MARF1: variants seen among roughly 807,000 people sequenced by gnomAD.
MARF1 encodes limkain-b1.
Under a neutral mutation model 168.2 loss-of-function variants are expected in MARF1, and 24 were observed. The ratio of observed to expected loss-of-function variants is 0.14; its 90% CI spans 0.10 to 0.20. The LOEUF (loss-of-function observed/expected upper bound fraction) is 0.20, where lower values mean the gene tolerates loss of function less well. MARF1 is among the 10% of genes least tolerant of loss of function. The pLI is 1.00. For missense variants in MARF1, 1,744 were observed against 2,143.6 expected (o/e 0.81, Z 3.68); for synonymous variants, 868 against 822.4 (o/e 1.06, Z -0.95).
intron 23 of MARF1, 29 bp downstream of exon 23, chr16:15,601,962 C>A (rs1345519691): frequency 6.3e-7 from 1 of 1,586,778 alleles, no homozygotes; most frequent in Admixed American, 1.7e-5. Context: ...TCAGAAGATG[C>A]TCTCCCGGAA....
At position 15,596,718 on chromosome 16, in the gene MARF1, G is replaced by A. The variant is rs769978963; in HGVS notation, c.5204C>T (p.Ser1735Phe). The change falls in exon 27 of 27, where the codon TCC becomes TTC. Residue 1735 changes from serine (S) to phenylalanine (F), a missense_variant. By Grantham distance (155) the Ser-to-Phe change is radical. Coordinates refer to ENST00000396368, the MANE Select transcript of MARF1 (RefSeq NM_014647.4). ...TTAAAGCTTGGTTATAGGTGCTAAG[G>A]AAAAGTTGGCTGCCAATTTGACTCT... ...KNRVKLAANF[S>F]LAPITKL 7.1e-5 allele frequency: 114 copies of A among 1,606,130 alleles called. No homozygotes were observed. Among genetic ancestry groups the A allele is most frequent in the Non-Finnish European group, 8.5e-5 (100 of 1,173,624 alleles).
intron 10 of MARF1, among the ~76,000 whole-genome samples, chr16:15,623,941 TCG>T (rs2034654637): frequency 6.8e-6 from 1 of 147,110 alleles, no homozygotes; most frequent in Non-Finnish European, 1.5e-5. Context: ...AGACGGAGTC[TCG>T]CTCTGTCACC....
chr16:15,635,225 G>C, intron 3 of MARF1: 1 of 422,616 alleles, frequency 2.4e-6, no homozygotes, highest in Non-Finnish European at 4.2e-6. Context: ...ATAAAGGGTA[G>C]CAAAGTCTCA....
chr16:15,602,420 TGAAGAC>T (rs2032541043), intron 22 of MARF1: 3 of 611,812 alleles, frequency 4.9e-6, no homozygotes, highest in Non-Finnish European at 8.6e-6. Flanking sequence ...ACAAAGAAGA[TGAAGAC>T]AAAGACGACG....
At chr16:15,615,432 T>C (rs2033966488) in intron 16 of MARF1, among the ~76,000 whole-genome samples, 1 of 152,084 alleles carries the variant, frequency 6.6e-6, no homozygotes, top group African/African-American at 2.4e-5. Context: ...AAGACCATCC[T>C]GGCCAATATG....
At chr16:15,598,584 C>G in intron 26 of MARF1, among the ~76,000 whole-genome samples, 1 of 152,170 alleles carries the variant, frequency 6.6e-6, no homozygotes, top group African/African-American at 2.4e-5. Context: ...GAGGCCCCAC[C>G]CACCCCTGTG....
intron 5 of MARF1, 65 bp downstream of exon 5, chr16:15,633,552 C>A (rs2035391240): frequency 7.9e-7 from 1 of 1,258,854 alleles, no homozygotes; most frequent in African/African-American, 1.5e-5. Context: ...TCAAAACAAA[C>A]AAACAAACAA....
In MARF1 at chr16:15,599,154, TAAAAAAAA is replaced by T. The variant is rs565989147; in HGVS notation, c.4814-138_4814-131del. Reference sequence around the variant, plus strand: ...GAGAGTCAAGAAGTATTTAAGGTATTAAAAAAAAAAAAAAAAAAAAACAAAAACCCAAA... The same window carrying T: ...GAGAGTCAAGAAGTATTTAAGGTATTAAAAAAAAAAAAACAAAAACCCAAA... On this transcript the variant is annotated intron_variant, in intron 25 of 26. Transcript: ENST00000396368. 1,979 of 299,242 alleles carry T rather than the reference TAAAAAAAA, an allele frequency of 6.6e-3. 35 individuals are homozygous for T. The highest frequency in any genetic ancestry group is 0.061 in the African/African-American group (1,766 of 29,112). The allele number at this position is 299,242 out of a possible 1,614,324, so 18.5% of individuals were successfully genotyped here. A position where few individuals can be genotyped will look rare whatever the true frequency, so the allele number is the denominator to read the frequency against.
rs2031505452 is a variant in MARF1 at position 15,594,618 on chromosome 16, A to G, written c.*2075T>C. 6.6e-6 allele frequency: 1 copy of G among 152,646 alleles called. No individual in the cohort carries two copies. The highest frequency in any genetic ancestry group is 6.5e-5 in the Admixed American group (1 of 15,276). 9.5% of individuals were successfully genotyped at this position (152,646 alleles called of 1,614,324 possible). ...CCGGTATATCTTTCCACCCAGAAAT[A>G]AAGAATTACATTGTCTTAATGCTCA... is the stretch of plus-strand genomic sequence containing the variant. On this transcript the variant is annotated 3_prime_UTR_variant, in exon 27 of 27. Transcript: ENST00000396368.
rs770444859 is a variant in MARF1 at position 15,599,067 on chromosome 16, C to A, written c.4814-43G>T. 3 of 1,587,976 alleles carry A rather than the reference C, an allele frequency of 1.9e-6. No individual in the cohort carries two copies. The African/African-American group carries it at 4.1e-5, about 21-fold the overall frequency. On this transcript the variant is annotated intron_variant, in intron 25 of 26. Coordinates refer to ENST00000396368, the MANE Select transcript of MARF1 (RefSeq NM_014647.4). ...GCCGTGACACCACAGGACCTCCACG[C>A]CCACCCCCAGCACACACCCTGGGCT...
At chr16:15,604,018 C>T in intron 22 of MARF1, 150 bp downstream of exon 22, 1 of 643,822 alleles carries the variant, frequency 1.6e-6, no homozygotes, top group South Asian at 2.0e-5. Flanking sequence ...AGGGCTGCTT[C>T]ACTGCCTGAG....
rs1244732888 is a variant in MARF1, at chr16:15,594,426, C to T, written c.*2267G>A. The T allele has an allele frequency of 6.6e-6, 1 of 152,510 alleles. No homozygotes were observed. The highest frequency in any genetic ancestry group is 6.6e-5 in the Admixed American group (1 of 15,264). 9.4% of individuals were successfully genotyped at this position (152,510 alleles called of 1,614,324 possible). A position where few individuals can be genotyped will look rare whatever the true frequency, so the allele number is the denominator to read the frequency against. On this transcript the variant is annotated 3_prime_UTR_variant, in exon 27 of 27. Coordinates refer to ENST00000396368, the MANE Select transcript of MARF1 (RefSeq NM_014647.4). ...TAAAGTTTATTGACAACTGTTTGGT[C>T]CCAACACACAAAACAGCACTTGAAC...
chr16:15,630,867 A>G (rs2035204363), intron 6 of MARF1, among the ~76,000 whole-genome samples: 1 of 151,870 alleles, frequency 6.6e-6, no homozygotes, highest in Admixed American at 6.6e-5. Context: ...GTGGTGGTTC[A>G]CGCCTGTAAT....
intron 3 of MARF1, 144 bp downstream of exon 3, chr16:15,635,512 C>CA (rs1278881753): frequency 8.3e-6 from 6 of 725,504 alleles, no homozygotes; most frequent in Non-Finnish European, 1.3e-5. Context: ...TCAGAACCAG[C>CA]AAAAATTATG....
chr16:15,623,234 C>A, intron 10 of MARF1, 111 bp from the exon 11 acceptor site: 2 of 577,874 alleles, frequency 3.5e-6, no homozygotes, highest in Non-Finnish European at 5.3e-6. Context: ...TTCCACAACA[C>A]AACCAAACCA....
At chr16:15,611,446 C>CAAAAAAAAAAAAAAAAAAAAAA (rs995305393) in intron 18 of MARF1, 146 bp downstream of exon 18, 1 of 387,274 alleles carries the variant, frequency 2.6e-6, no homozygotes, top group Non-Finnish European at 4.2e-6. Context: ...GACTCCGTCT[C>CAAAAAAAAAAAAAAAAAAAAAA]AAAAAAAAAA....
rs945132916 is a variant in MARF1, at chr16:15,596,641, G to A, written c.*52C>T. The A allele has an allele frequency of 1.3e-6, 2 of 1,492,362 alleles. No homozygotes were observed. The highest frequency in any genetic ancestry group is 2.8e-5 in the African/African-American group (2 of 71,382). 92.4% of individuals were successfully genotyped at this position (1,492,362 alleles called of 1,614,324 possible). A position where few individuals can be genotyped will look rare whatever the true frequency, so the allele number is the denominator to read the frequency against. ...ATGTATTTTTGAAACCCACTTTTGTGTGCAGAATCAGACAGTGTTTTCCCA... is the reference window on the plus strand; with the variant it reads ...ATGTATTTTTGAAACCCACTTTTGTATGCAGAATCAGACAGTGTTTTCCCA... On this transcript the variant is annotated 3_prime_UTR_variant, in exon 27 of 27. Transcript: ENST00000396368.
In MARF1 at chr16:15,610,938, T is replaced by C. The variant is rs147795343; in HGVS notation, c.3751+37A>G. ...CACACTATGTTAAAATAACAGGAGA[T>C]AGACAATATCCTTCCAGCAAATGTT... On this transcript the variant is annotated intron_variant, in intron 19 of 26. Coordinates refer to ENST00000396368, the MANE Select transcript of MARF1 (RefSeq NM_014647.4). 910 of 1,599,282 alleles carry C rather than the reference T, an allele frequency of 5.7e-4. 6 individuals are homozygous for C. The African/African-American group carries it at 8.8e-3, about 15-fold the overall frequency.
At chr16:15,630,595 A>G (rs1331032237) in intron 6 of MARF1, 91 bp from the exon 7 acceptor site, 1 of 1,210,338 alleles carries the variant, frequency 8.3e-7, no homozygotes, top group Non-Finnish European at 1.1e-6. Flanking sequence ...CTGAGAAGAA[A>G]GGAAAGGCTG....
Sources: gnomAD v4.1 joint callset for allele counts (sites outside exome capture counted in the v4.1 genomes callset) on GRCh38, gnomAD v4.1.1 for gene constraint, MANE v1.5 for transcripts, NCBI Gene and HGNC (gene_info 2026-07-23, HGNC 2026-07-21) for gene names.